Variants in ITPKB observed in about 807,000 individuals in gnomAD.
ITPKB encodes IP3 3-kinase B.
Under a neutral mutation model 69.4 loss-of-function variants are expected in ITPKB, and 13 were observed. The observed-to-expected ratio is 0.19, with a 90% CI of 0.12 to 0.30. ITPKB has a LOEUF of 0.30. ITPKB is among the 10% of genes least tolerant of loss of function. The probability of loss-of-function intolerance (pLI) is 1.00; values close to 1 mark genes in which losing one functional copy is unlikely to be tolerated. For synonymous variants in ITPKB, 584 were observed against 513.7 expected (o/e 1.14, Z -1.85); for missense variants, 1,240 against 1,250.5 (o/e 0.99, Z 0.13).
chr1:226,669,700 T>A (rs1669573854), intron 2 of ITPKB, among the ~76,000 whole-genome samples: 1 of 152,078 alleles, frequency 6.6e-6, no homozygotes, highest in South Asian at 2.1e-4. Flanking sequence ...CAAAATAAAG[T>A]ATGCTTGAAG....
At chr1:226,719,125 A>G (rs973422188) in intron 2 of ITPKB, among the ~76,000 whole-genome samples, 7 of 152,138 alleles carry the variant, frequency 4.6e-5, no homozygotes, top group African/African-American at 1.7e-4. Flanking sequence ...AAAAACACAA[A>G]AAAAGTAGCC....
chr1:226,672,989 C>G (rs1490347685), intron 2 of ITPKB, among the ~76,000 whole-genome samples: 1 of 152,200 alleles, frequency 6.6e-6, no homozygotes, highest in Non-Finnish European at 1.5e-5. Context: ...ATGGCCCTTC[C>G]CAACCAGAAT....
intron 2 of ITPKB, among the ~76,000 whole-genome samples, chr1:226,673,843 T>A (rs933878207): frequency 6.6e-6 from 1 of 152,140 alleles, no homozygotes; most frequent in Middle Eastern, 3.2e-3. Flanking sequence ...CACCAGAGAG[T>A]TGCAGGACAC....
rs1384640610 is a variant in ITPKB, at chr1:226,642,946, G to C, written c.2247-821C>G. On this transcript the variant is annotated intron_variant, in intron 4 of 7. Coordinates refer to ENST00000429204, the MANE Select transcript of ITPKB (RefSeq NM_002221.4). The surrounding 1 kb of genome is among the most constrained non-coding windows in gnomAD (Gnocchi z 6.4). ...TGGCCTTGGAAGGGGTCCCAGTGTG[G>C]ATGGAGAAGGCCGTATTGTGGGGGA... 2.6e-5 allele frequency among the ~76,000 whole-genome samples: 4 copies of C among 152,202 alleles called. No homozygotes were observed. The highest frequency in any genetic ancestry group is 9.7e-5 in the African/African-American group (4 of 41,444).
At chr1:226,652,692 G>C (rs1669217716) in intron 2 of ITPKB, among the ~76,000 whole-genome samples, 1 of 152,372 alleles carries the variant, frequency 6.6e-6, no homozygotes, top group South Asian at 2.1e-4. Context: ...GCCCAGGGCA[G>C]AGCTGGCCAC....
chr1:226,700,495 A>C lies in ITPKB; in HGVS notation c.1932+35032T>G, dbSNP rs200901231. 3.9e-5 allele frequency among the ~76,000 whole-genome samples: 5 copies of C among 128,312 alleles called. No individual in the cohort carries two copies. In the East Asian group the frequency reaches 1.2e-3, roughly 31 times the overall value. 84.2% of individuals were successfully genotyped at this position (128,312 alleles called of 152,430 possible). On this transcript the variant is annotated intron_variant, in intron 2 of 7. Transcript: ENST00000429204. ...AAAAAAAAAAAAAAAAAAAAAAAAA[A>C]ACCCAGAACTTTGCAACCTTAAATC...
chr1:226,658,006 A>T (rs1468676175), intron 2 of ITPKB, among the ~76,000 whole-genome samples: 2 of 152,246 alleles, frequency 1.3e-5, no homozygotes, highest in African/African-American at 2.4e-5. Flanking sequence ...CGGGGAAGGC[A>T]CATCTAACAA....
At chr1:226,698,840 C>T (rs1321921487) in intron 2 of ITPKB, among the ~76,000 whole-genome samples, 2 of 152,356 alleles carry the variant, frequency 1.3e-5, no homozygotes, top group East Asian at 1.9e-4. Flanking sequence ...AGCTCTGCTA[C>T]CCTGGTCATA....
Position 226,647,214 on chromosome 1 carries a change from C to T in ITPKB, c.2199G>A (p.Leu733=). Reference sequence around the variant, plus strand: ...TCACACAGGGCGAGTCGAAGTCGGCCAGCAGGTCGTCCATCTGGTTGTAGC... The same window carrying T: ...TCACACAGGGCGAGTCGAAGTCGGCTAGCAGGTCGTCCATCTGGTTGTAGC... ...GERYNQMDDL[L]ADFDSPCVMD... is the part of the protein sequence containing the mutation. The change falls in exon 4 of 8, where the codon CTG becomes CTA. Residue 733 remains leucine (L), a synonymous_variant. Coordinates refer to ENST00000429204, the MANE Select transcript of ITPKB (RefSeq NM_002221.4). 1 of 1,614,240 alleles carries T rather than the reference C, an allele frequency of 6.2e-7. No individual in the cohort carries two copies. Among genetic ancestry groups the T allele is most frequent in the East Asian group, 2.2e-5 (1 of 44,892 alleles).
chr1:226,679,589 C>G (rs780271942), intron 2 of ITPKB, among the ~76,000 whole-genome samples: 3 of 152,184 alleles, frequency 2.0e-5, no homozygotes, highest in Non-Finnish European at 4.4e-5. Flanking sequence ...CCCTTTTGAA[C>G]TGATGTTGAA....
chr1:226,650,559 C>G (rs1023727654), intron 2 of ITPKB, among the ~76,000 whole-genome samples: 1 of 152,258 alleles, frequency 6.6e-6, no homozygotes, highest in Non-Finnish European at 1.5e-5. Flanking sequence ...AACCTCATTA[C>G]ACAAGATGAG....
Position 226,736,273 on chromosome 1 carries a change from T to C in ITPKB, c.1186A>G (p.Thr396Ala). ...TCTGCGCTTTGCACGCTCACAGTCG[T>C]CTCCTCTGGCCTTTTGCCCACTTCA... ...EPEVGKRPEETTVSVQSAESS... is the reference protein window; with the variant it reads ...EPEVGKRPEEATVSVQSAESS... The change falls in exon 2 of 8, where the codon ACG (threonine) becomes GCG (alanine). Residue 396 changes from threonine to alanine, a missense_variant. By Grantham distance (58) the Thr-to-Ala change is moderately conservative. Around this residue, in one of 2 missense-constraint regions of ITPKB, gnomAD observed 992 missense variants for 853.8 expected, o/e 1.16. Transcript: ENST00000429204. 1 of 1,586,286 alleles carries C rather than the reference T, an allele frequency of 6.3e-7. No homozygotes were observed. The highest frequency in any genetic ancestry group is 1.8e-5 in the Admixed American group (1 of 54,760).
In ITPKB at chr1:226,701,380, G is replaced by A. The variant is rs550491556; in HGVS notation, c.1932+34147C>T. ...AGCACTTTGGGAGGCCGAGGCAGGC[G>A]GATCACGAGGTCAGGAGATCGAGAC... On this transcript the variant is annotated intron_variant, in intron 2 of 7. Transcript: ENST00000429204. 7.2e-5 allele frequency among the ~76,000 whole-genome samples: 11 copies of A among 152,044 alleles called. No individual in the cohort carries two copies. In the East Asian group the frequency reaches 1.9e-3, roughly 27 times the overall value.
chr1:226,651,254 T>C (rs2173567), intron 2 of ITPKB, among the ~76,000 whole-genome samples: 34,123 of 152,098 alleles, frequency 0.22, 4,286 homozygotes, highest in East Asian at 0.42. Flanking sequence ...CAGAGGGAGA[T>C]AGGTGAGCAG....
chr1:226,653,046 C>A (rs747377105), intron 2 of ITPKB, among the ~76,000 whole-genome samples: 4 of 152,158 alleles, frequency 2.6e-5, no homozygotes, highest in Admixed American at 6.5e-5. Flanking sequence ...TACCATGGCA[C>A]GGTGTGTACA....
chr1:226,683,262 C>T (rs770922603), intron 2 of ITPKB, among the ~76,000 whole-genome samples: 1 of 152,238 alleles, frequency 6.6e-6, no homozygotes, highest in South Asian at 2.1e-4. Flanking sequence ...AAGGAACCCA[C>T]TGCCTACATG....
intron 2 of ITPKB, among the ~76,000 whole-genome samples, chr1:226,734,385 G>A (rs1050448566): frequency 6.6e-6 from 1 of 152,240 alleles, no homozygotes; most frequent in East Asian, 1.9e-4. Flanking sequence ...ATACCTTAGT[G>A]AAGAATGCAG....
intron 2 of ITPKB, among the ~76,000 whole-genome samples, chr1:226,711,444 T>TGAGAGAGAGAGA (rs1558093008): frequency 7.6e-5 from 5 of 65,598 alleles, no homozygotes; most frequent in Non-Finnish European, 1.7e-4. Context: ...AGAGAGAGAG[T>TGAGAGAGAGAGA]GTGTGTGTGT....
chr1:226,725,190 T>C (rs708772), intron 2 of ITPKB, among the ~76,000 whole-genome samples: 52,507 of 152,206 alleles, frequency 0.34, 9,515 homozygotes, highest in Middle Eastern at 0.41. Context: ...AATATGTCTA[T>C]TGGCATTAAC....
Sources: allele counts gnomAD v4.1 joint callset (sites outside exome capture counted in the v4.1 genomes callset), GRCh38; gene constraint gnomAD v4.1.1; regional missense constraint gnomAD v4.1.1; non-coding constraint Gnocchi (gnomAD v3.1); transcripts MANE v1.5; gene names NCBI Gene and HGNC (gene_info 2026-07-23, HGNC 2026-07-21).